The following NAALADL2 variants were observed in gnomAD, a reference collection of about 807,000 sequenced individuals.
The protein encoded by NAALADL2 is inactive N-acetylated-alpha-linked acidic dipeptidase-like protein 2.
Under a neutral mutation model 87.2 loss-of-function variants are expected in NAALADL2, and 76 were observed. The observed-to-expected ratio is 0.87, with a 90% CI of 0.72 to 1.05. The LOEUF is 1.05. Among genes scored for constraint, NAALADL2 ranks in the 50% least tolerant of loss-of-function variants. NAALADL2 has a pLI of 0.00. For missense variants in NAALADL2, 1,089 were observed against 945.8 expected, an observed-to-expected ratio of 1.15 and a Z score of -1.99; for synonymous variants, 354 against 331.0, an observed-to-expected ratio of 1.07 and a Z score of -0.75.
At chr3:175,408,292 CA>C (rs550336617) in intron 5 of NAALADL2, among the ~76,000 whole-genome samples, 154 of 151,802 alleles carry the variant, frequency 1.0e-3, no homozygotes, top group Non-Finnish European at 1.5e-3. Flanking sequence ...TCTCACTGGA[CA>C]AAAAAAGTTA....
chr3:174,526,614 AT>A (rs1181609937), intron 1 of NAALADL2, among the ~76,000 whole-genome samples: 1 of 152,140 alleles, frequency 6.6e-6, no homozygotes, highest in Non-Finnish European at 1.5e-5. Flanking sequence ...TAGTACATTA[AT>A]TTAAAAAATA....
intron 1 of NAALADL2, among the ~76,000 whole-genome samples, chr3:175,050,181 T>C (rs1402899877): frequency 6.6e-6 from 1 of 152,202 alleles, no homozygotes; most frequent in Non-Finnish European, 1.5e-5. Flanking sequence ...ACTGCCGGGA[T>C]AGGCTCTGGC....
intron 11 of NAALADL2, among the ~76,000 whole-genome samples, chr3:175,709,115 C>T (rs1740161242): frequency 6.6e-6 from 1 of 151,956 alleles, no homozygotes; most frequent in African/African-American, 2.4e-5. Context: ...TCTACAGGGG[C>T]CATCGTACCT....
chr3:174,537,381 G>A (rs548051120), intron 1 of NAALADL2, among the ~76,000 whole-genome samples: 32 of 152,192 alleles, frequency 2.1e-4, no homozygotes, highest in Non-Finnish European at 4.0e-4. Flanking sequence ...GCTTGCTACC[G>A]TTGACTTGAA....
intron 2 of NAALADL2, among the ~76,000 whole-genome samples, chr3:175,133,593 G>C (rs1029406399): frequency 8.5e-5 from 13 of 152,064 alleles, no homozygotes; most frequent in Non-Finnish European, 1.0e-4. Flanking sequence ...GTGGCGGCGC[G>C]CGCCTGCAAT....
intron 4 of NAALADL2, among the ~76,000 whole-genome samples, chr3:175,295,975 G>C (rs983034295): frequency 6.8e-6 from 1 of 146,058 alleles, no homozygotes; most frequent in Non-Finnish European, 1.5e-5. Flanking sequence ...CTTCTGTTTG[G>C]AATGCAGGTT....
chr3:175,131,054 A>G (rs1249924737), intron 2 of NAALADL2, among the ~76,000 whole-genome samples: 1 of 151,248 alleles, frequency 6.6e-6, no homozygotes, highest in Admixed American at 6.6e-5. Context: ...ATATCTTTCC[A>G]TTTATTTGTG....
intron 4 of NAALADL2, among the ~76,000 whole-genome samples, chr3:175,261,238 G>A (rs145082748): frequency 1.6e-4 from 25 of 151,932 alleles, no homozygotes; most frequent in African/African-American, 5.6e-4. Flanking sequence ...AACAGATACC[G>A]AGACCCTCAC....
intron 13 of NAALADL2, among the ~76,000 whole-genome samples, chr3:175,801,720 A>T (rs1754173633): frequency 6.6e-6 from 1 of 152,188 alleles, no homozygotes; most frequent in South Asian, 2.1e-4. Flanking sequence ...TAAGTTATTT[A>T]CCTGTTTGCC....
At chr3:175,132,113 G>A in intron 2 of NAALADL2, among the ~76,000 whole-genome samples, 1 of 136,130 alleles carries the variant, frequency 7.3e-6, no homozygotes, top group Admixed American at 7.0e-5. Flanking sequence ...CCGCCCGGAT[G>A]GGGCGGCTGG....
intron 9 of NAALADL2, among the ~76,000 whole-genome samples, chr3:175,509,079 G>A (rs981677623): frequency 2.0e-5 from 3 of 150,600 alleles, no homozygotes; most frequent in African/African-American, 7.3e-5. Flanking sequence ...TTGCACCATT[G>A]CATTCCAGCC....
At position 175,256,526 on chromosome 3, in the gene NAALADL2, A is replaced by C. The variant is rs751232142; in HGVS notation, c.935A>C (p.Tyr312Ser). 1 of 1,611,396 alleles carries C rather than the reference A, an allele frequency of 6.2e-7. No individual in the cohort carries two copies. The highest frequency in any genetic ancestry group is 8.5e-7 in the Non-Finnish European group (1 of 1,178,950). Residue 312 changes from tyrosine (Y) to serine (S), a missense_variant, in exon 4 of 14, where the codon TAT (tyrosine) becomes TCT (serine). Transcript: ENST00000454872. Reference protein sequence around the residue: ...LLKLGKLPLLYKLSSLEKAGF... With the variant: ...LLKLGKLPLLSKLSSLEKAGF... ...AAATTAGGAAAATTGCCACTGCTTT[A>C]TAAGGTTGGTCCAGTGAATGTTATT... is the stretch of plus-strand genomic sequence containing the variant.
chr3:175,803,464 G>C lies in NAALADL2; in HGVS notation c.*261G>C. On this transcript the variant is annotated 3_prime_UTR_variant, in exon 14 of 14. Coordinates refer to ENST00000454872, the MANE Select transcript of NAALADL2 (RefSeq NM_207015.3). The stretch of plus-strand genomic sequence containing the variant: ...AGAATTACCTATTAAAAAGAAATCT[G>C]ATATATAAAAATATGTACTATTTTA... 1 of 237,456 alleles carries C rather than the reference G, an allele frequency of 4.2e-6. No individual in the cohort carries two copies. 14.7% of individuals were successfully genotyped at this position (237,456 alleles called of 1,614,324 possible). A position where few individuals can be genotyped will look rare whatever the true frequency, so the allele number is the denominator to read the frequency against.
intron 10 of NAALADL2, among the ~76,000 whole-genome samples, chr3:175,626,941 C>T (rs1045064871): frequency 2.0e-5 from 3 of 151,870 alleles, no homozygotes; most frequent in Non-Finnish European, 4.4e-5. Context: ...AATATAGTCA[C>T]ACACCATCTA....
intron 3 of NAALADL2, among the ~76,000 whole-genome samples, chr3:174,806,103 G>T (rs1315052797): frequency 1.3e-5 from 2 of 152,118 alleles, no homozygotes; most frequent in African/African-American, 4.8e-5. Flanking sequence ...TAGTAATTAG[G>T]CCCTTTCTAT....
At chr3:175,563,874 T>A (rs1219751185) in intron 9 of NAALADL2, among the ~76,000 whole-genome samples, 3 of 152,102 alleles carry the variant, frequency 2.0e-5, no homozygotes, top group African/African-American at 7.2e-5. Flanking sequence ...TACACAGTGC[T>A]CCTTGAATAC....
chr3:175,516,934 C>A (rs1731924411), intron 9 of NAALADL2, among the ~76,000 whole-genome samples: 1 of 152,100 alleles, frequency 6.6e-6, no homozygotes, highest in African/African-American at 2.4e-5. Context: ...CTTATATGTG[C>A]CACTTTTGGA....
At chr3:174,882,851 G>GTA (rs1205122796) in intron 1 of NAALADL2, among the ~76,000 whole-genome samples, 1 of 139,222 alleles carries the variant, frequency 7.2e-6, no homozygotes, top group Non-Finnish European at 1.5e-5. Context: ...GTGCATATGT[G>GTA]TATATATACA....
chr3:174,464,575 A>G (rs538278144), intron 1 of NAALADL2, among the ~76,000 whole-genome samples: 13 of 152,140 alleles, frequency 8.5e-5, no homozygotes, highest in Admixed American at 7.8e-4. Flanking sequence ...GGTTATTAAA[A>G]TGAATAAGGT....
Sources: gnomAD v4.1 joint callset for allele counts (sites outside exome capture counted in the v4.1 genomes callset) on GRCh38, gnomAD v4.1.1 for gene constraint, MANE v1.5 for transcripts, NCBI Gene and HGNC (gene_info 2026-07-23, HGNC 2026-07-21) for gene names.